The following ADAMTS6 variants were observed in gnomAD, a reference collection of about 807,000 sequenced individuals.
The protein encoded by ADAMTS6 is ADAM metallopeptidase with thrombospondin type 1 motif 6.
A neutral mutation model predicts 144.3 loss-of-function variants in ADAMTS6; 23 were observed. The ratio of observed to expected loss-of-function variants is 0.16; its 90% confidence interval spans 0.11 to 0.23. ADAMTS6 has a LOEUF of 0.23. ADAMTS6 is among the 10% of genes least tolerant of loss of function. The pLI is 1.00. For synonymous variants in ADAMTS6, 444 were observed against 457.5 expected (o/e 0.97, Z 0.38); for missense variants, 999 against 1,379.6 (o/e 0.72, Z 4.37).
intron 7 of ADAMTS6, among the ~76,000 whole-genome samples, chr5:65,381,779 A>T (rs1752071927): frequency 6.6e-6 from 1 of 152,166 alleles, no homozygotes; most frequent in East Asian, 1.9e-4. Flanking sequence ...CATAGAGTTT[A>T]AAAAAATGAA....
chr5:65,162,082 A>C (rs910936579), intron 24 of ADAMTS6, among the ~76,000 whole-genome samples: 3 of 152,230 alleles, frequency 2.0e-5, no homozygotes, highest in African/African-American at 7.2e-5. Context: ...TCAAATTAAC[A>C]CGTATCCATT....
intron 7 of ADAMTS6, among the ~76,000 whole-genome samples, chr5:65,383,507 T>A (rs1027093457): frequency 4.6e-5 from 7 of 152,188 alleles, no homozygotes; most frequent in Admixed American, 1.3e-4. Flanking sequence ...GACTAGAGAA[T>A]AATTGACTCC....
At chr5:65,302,092 CA>C (rs1182825165) in intron 9 of ADAMTS6, among the ~76,000 whole-genome samples, 383 of 19,936 alleles carry the variant, frequency 0.019, 7 homozygotes, top group African/African-American at 0.065. Flanking sequence ...GCTCTGTCTC[CA>C]AAAAAAAAAA....
At chr5:65,453,021 G>T in intron 4 of ADAMTS6, 103 bp from the exon 5 acceptor site, 1 of 878,708 alleles carries the variant, frequency 1.1e-6, no homozygotes, top group Non-Finnish European at 1.6e-6. Context: ...AATATATTAA[G>T]ATTTTTCAAA....
At chr5:65,192,528 G>A (rs773499332) in intron 21 of ADAMTS6, among the ~76,000 whole-genome samples, 36 of 151,870 alleles carry the variant, frequency 2.4e-4, no homozygotes, top group Non-Finnish European at 4.4e-4. Flanking sequence ...AAATACTCTT[G>A]CTATTAAAAC....
intron 7 of ADAMTS6, among the ~76,000 whole-genome samples, chr5:65,380,050 A>G (rs1239625542): frequency 6.6e-6 from 1 of 152,092 alleles, no homozygotes; most frequent in Non-Finnish European, 1.5e-5. Flanking sequence ...CCGTGACAGC[A>G]TATCAGTAAT....
intron 20 of ADAMTS6, among the ~76,000 whole-genome samples, chr5:65,204,133 A>C (rs527732049): frequency 1.1e-3 from 161 of 152,334 alleles, no homozygotes; most frequent in South Asian, 3.7e-3. Flanking sequence ...TGCAATCCAC[A>C]ACATGCAGAA....
At chr5:65,240,642 G>A (rs892338153) in intron 15 of ADAMTS6, among the ~76,000 whole-genome samples, 4 of 152,032 alleles carry the variant, frequency 2.6e-5, no homozygotes, top group Admixed American at 2.6e-4. Context: ...TGCCACATGA[G>A]GATACAATGA....
In ADAMTS6 at chr5:65,214,321, T is replaced by C; in HGVS notation, c.2575+473A>G. The C allele has an allele frequency of 6.4e-6, 2 of 312,934 alleles. No homozygotes were observed. Among genetic ancestry groups the C allele is most frequent in the South Asian group, 3.0e-5 (1 of 33,128 alleles). 19.4% of individuals were successfully genotyped at this position (312,934 alleles called of 1,614,324 possible). A position where few individuals can be genotyped will look rare whatever the true frequency, so the allele number is the denominator to read the frequency against. On this transcript the variant is annotated intron_variant, in intron 20 of 24. Transcript: ENST00000381055. The surrounding 1 kb of genome is among the most constrained non-coding windows in gnomAD (Gnocchi z 4.6). ...TGTAGCATCCCAGTATACAGCCCCT[T>C]AACTTTGATGGCAGGAGAAGGGAGT...
At chr5:65,434,293 G>T (rs924257108) in intron 7 of ADAMTS6, among the ~76,000 whole-genome samples, 1 of 152,146 alleles carries the variant, frequency 6.6e-6, no homozygotes, top group African/African-American at 2.4e-5. Context: ...ATTTTGGGGT[G>T]AGGAAGATGT....
chr5:65,473,542 A>G, intron 2 of ADAMTS6, 35 bp downstream of exon 2: 2 of 1,537,654 alleles, frequency 1.3e-6, no homozygotes, highest in African/African-American at 1.4e-5. Flanking sequence ...ATTAATAGCA[A>G]TATTTTTTGT....
chr5:65,208,788 AC>A (rs1359064014), intron 20 of ADAMTS6, among the ~76,000 whole-genome samples: 1 of 152,226 alleles, frequency 6.6e-6, no homozygotes, highest in Non-Finnish European at 1.5e-5. Context: ...TACTATGGTT[AC>A]AACTATAATA....
intron 7 of ADAMTS6, among the ~76,000 whole-genome samples, chr5:65,421,621 G>A (rs1359609290): frequency 1.3e-5 from 2 of 152,130 alleles, no homozygotes. Context: ...AAACAGCATG[G>A]TATTGGTATA....
At chr5:65,232,888 C>T (rs752959476) in intron 15 of ADAMTS6, among the ~76,000 whole-genome samples, 1 of 152,030 alleles carries the variant, frequency 6.6e-6, no homozygotes, top group Non-Finnish European at 1.5e-5. Flanking sequence ...GACAAAGATA[C>T]TAACAGAAAA....
At chr5:65,328,794 A>C (rs932657137) in intron 9 of ADAMTS6, among the ~76,000 whole-genome samples, 4 of 152,044 alleles carry the variant, frequency 2.6e-5, no homozygotes, top group Non-Finnish European at 4.4e-5. Context: ...CAGGGTACAT[A>C]AGATAGTTTT....
intron 12 of ADAMTS6, 84 bp from the exon 13 acceptor site, chr5:65,263,046 A>T: frequency 6.5e-7 from 1 of 1,549,528 alleles, no homozygotes; most frequent in Non-Finnish European, 8.8e-7. Flanking sequence ...TCAGGTACTG[A>T]CCAACTATAG....
At chr5:65,213,841 A>T (rs900395967) in intron 20 of ADAMTS6, among the ~76,000 whole-genome samples, 7 of 151,952 alleles carry the variant, frequency 4.6e-5, no homozygotes, top group African/African-American at 1.7e-4. Context: ...GATTTACTTT[A>T]TTTTAATTTT....
intron 9 of ADAMTS6, among the ~76,000 whole-genome samples, chr5:65,305,524 T>C (rs1456094345): frequency 6.6e-6 from 1 of 151,996 alleles, no homozygotes; most frequent in Admixed American, 6.6e-5. Flanking sequence ...CTAATTCAAC[T>C]CTCTGCTGTT....
intron 14 of ADAMTS6, chr5:65,251,746 G>A (rs977229663): frequency 6.6e-6 from 1 of 152,166 alleles, no homozygotes; most frequent in Non-Finnish European, 1.5e-5. Flanking sequence ...TAATTATGTT[G>A]CTGTTGAGAG....
Sources: allele counts gnomAD v4.1 joint callset (sites outside exome capture counted in the v4.1 genomes callset), GRCh38; gene constraint gnomAD v4.1.1; non-coding constraint Gnocchi (gnomAD v3.1); transcripts MANE v1.5; gene names NCBI Gene and HGNC (gene_info 2026-07-23, HGNC 2026-07-21).